TRAM2: variants seen among roughly 807,000 people sequenced by gnomAD.
TRAM2 encodes translocation associated membrane protein 2.
TRAM2 carries 12 observed loss-of-function variants against 51.0 expected under a neutral mutation model. The observed-to-expected ratio is 0.24, with a 90% CI of 0.15 to 0.38. The LOEUF is 0.38. TRAM2 is among the 10% of genes least tolerant of loss of function. The probability of loss-of-function intolerance (pLI) is 1.00; values close to 1 mark genes in which losing one functional copy is unlikely to be tolerated. For synonymous variants in TRAM2, 175 were observed against 179.4 expected (o/e 0.98, Z 0.20); for missense variants, 361 against 462.0 (o/e 0.78, Z 2.00).
chr6:52,504,248 A>G (rs1314722558), intron 10 of TRAM2, among the ~76,000 whole-genome samples: 1 of 152,234 alleles, frequency 6.6e-6, no homozygotes, highest in Non-Finnish European at 1.5e-5. Context: ...TCCGGCACTG[A>G]GAATGGGCGG....
chr6:52,541,352 GTCCCCA>G (rs1767078013), intron 1 of TRAM2, among the ~76,000 whole-genome samples: 1 of 152,180 alleles, frequency 6.6e-6, no homozygotes, highest in Non-Finnish European at 1.5e-5. Context: ...TACTAATCAT[GTCCCCA>G]TTTCACAGAT....
intron 1 of TRAM2, among the ~76,000 whole-genome samples, chr6:52,565,321 G>C (rs1360320685): frequency 6.6e-6 from 1 of 152,174 alleles, no homozygotes; most frequent in Non-Finnish European, 1.5e-5. Context: ...GATCATTAGG[G>C]CGAGAGGAGA....
intron 7 of TRAM2, among the ~76,000 whole-genome samples, chr6:52,506,585 T>C (rs1227748556): frequency 6.6e-6 from 1 of 152,256 alleles, no homozygotes; most frequent in Non-Finnish European, 1.5e-5. Flanking sequence ...GTGCTCCTTC[T>C]GTGTGGCCCT....
At chr6:52,508,162 G>A in intron 6 of TRAM2, 72 bp downstream of exon 6, 1 of 1,393,850 alleles carries the variant, frequency 7.2e-7, no homozygotes, top group Non-Finnish European at 1.0e-6. Context: ...AGGAAGGGAG[G>A]TACCCCTGGG....
At chr6:52,531,475 A>G (rs759994366) in intron 2 of TRAM2, among the ~76,000 whole-genome samples, 6 of 152,232 alleles carry the variant, frequency 3.9e-5, no homozygotes, top group Non-Finnish European at 7.3e-5. Flanking sequence ...TTTAGCATGT[A>G]CTTCACTGTA....
intron 10 of TRAM2, 44 bp from the exon 11 acceptor site, chr6:52,503,314 A>T: frequency 1.3e-6 from 2 of 1,578,196 alleles, no homozygotes; most frequent in Non-Finnish European, 8.7e-7. Flanking sequence ...TTTCTGCTGG[A>T]GCTAAGGCAG....
rs144401976 is a variant in TRAM2, at chr6:52,514,449, T to A, written c.411+1557A>T. On this transcript the variant is annotated intron_variant, in intron 4 of 10. Transcript: ENST00000182527. ...CCCTGGTCTCTGTGCCTATTGAATA[T>A]GTTGAGTGGGGAACTGGCTCTTCCC... 6.5e-3 allele frequency among the ~76,000 whole-genome samples: 985 copies of A among 152,202 alleles called. 19 individuals carry two copies. The highest frequency in any genetic ancestry group is 0.022 in the African/African-American group (914 of 41,526).
chr6:52,547,213 G>T (rs112465721), intron 1 of TRAM2, among the ~76,000 whole-genome samples: 251 of 152,312 alleles, frequency 1.6e-3, no homozygotes, highest in African/African-American at 5.9e-3. Flanking sequence ...GGACCATGGA[G>T]AGAAATGTGG....
In TRAM2 at chr6:52,502,493, G is replaced by C. The variant is rs1766252407; in HGVS notation, c.*704C>G. ...GCTTCCAATCCGCGGCCAGCCACTG[G>C]TAGGAGCTCGAGTCACGGGACCCAA... On this transcript the variant is annotated 3_prime_UTR_variant, in exon 11 of 11. Transcript: ENST00000182527. 1 of 152,276 alleles carries C rather than the reference G, an allele frequency of 6.6e-6. No homozygotes were observed. Among genetic ancestry groups the C allele is most frequent in the African/African-American group, 2.4e-5 (1 of 41,470 alleles). 9.4% of individuals were successfully genotyped at this position (152,276 alleles called of 1,614,324 possible). A position where few individuals can be genotyped will look rare whatever the true frequency, so the allele number is the denominator to read the frequency against.
chr6:52,570,657 C>T (rs1767661067), intron 1 of TRAM2, among the ~76,000 whole-genome samples: 1 of 152,136 alleles, frequency 6.6e-6, no homozygotes, highest in South Asian at 2.1e-4. Context: ...TGCTGCCAGC[C>T]CCTCCAGACA....
intron 1 of TRAM2, among the ~76,000 whole-genome samples, chr6:52,569,083 G>A (rs908881156): frequency 1.6e-4 from 24 of 152,186 alleles, no homozygotes; most frequent in Non-Finnish European, 2.5e-4. Flanking sequence ...CCAGCACCTT[G>A]ATCTTCAGAA....
Position 52,501,129 on chromosome 6 carries a change from T to C in TRAM2, c.*2068A>G, listed in dbSNP as rs1766212751. The C allele has an allele frequency of 6.6e-6, 1 of 152,172 alleles. No homozygotes were observed. 9.4% of individuals were successfully genotyped at this position (152,172 alleles called of 1,614,324 possible). Reference sequence around the variant, plus strand: ...TGCTGTGTTGAAACCAAACTGCCCTTTTACCAACGTTTCTGCTGTGCAGCC... The same window carrying C: ...TGCTGTGTTGAAACCAAACTGCCCTCTTACCAACGTTTCTGCTGTGCAGCC... On this transcript the variant is annotated 3_prime_UTR_variant, in exon 11 of 11. Coordinates refer to ENST00000182527, the MANE Select transcript of TRAM2 (RefSeq NM_012288.4).
intron 2 of TRAM2, among the ~76,000 whole-genome samples, chr6:52,534,237 C>T (rs1337738595): frequency 6.6e-6 from 1 of 151,596 alleles, no homozygotes; most frequent in East Asian, 1.9e-4. Context: ...TAAAATTAGA[C>T]TGGCACGGTG....
intron 4 of TRAM2, among the ~76,000 whole-genome samples, chr6:52,511,992 T>C (rs558930608): frequency 6.6e-6 from 1 of 152,284 alleles, no homozygotes; most frequent in African/African-American, 2.4e-5. Context: ...CTCTCTCAAA[T>C]ACACTGCTTC....
chr6:52,574,053 C>T (rs948442916), intron 1 of TRAM2, among the ~76,000 whole-genome samples: 5 of 152,166 alleles, frequency 3.3e-5, no homozygotes, highest in Non-Finnish European at 5.9e-5. Flanking sequence ...TCCCATTCCC[C>T]TTGCACCTCT....
chr6:52,554,482 T>C (rs1421803338), intron 1 of TRAM2, among the ~76,000 whole-genome samples: 1 of 92,384 alleles, frequency 1.1e-5, no homozygotes, highest in African/African-American at 3.0e-5. Flanking sequence ...ATCATGTCAC[T>C]GCACTCCAGC....
In TRAM2 at chr6:52,506,106, C is replaced by G. The variant is rs773431387; in HGVS notation, c.657G>C (p.Leu219=). 1 of 1,614,144 alleles carries G rather than the reference C, an allele frequency of 6.2e-7. No homozygotes were observed. The highest frequency in any genetic ancestry group is 1.1e-5 in the South Asian group (1 of 91,088). Residue 219 remains leucine, a synonymous_variant, in exon 8 of 11, where the codon CTG becomes CTC. Coordinates refer to ENST00000182527, the MANE Select transcript of TRAM2 (RefSeq NM_012288.4). ...AGAGGAACTCAGTTGAGTACTGCAG[C>G]AGCAGCAAGATCAGGCCCAGGCGGC... is the stretch of plus-strand genomic sequence containing the variant. The part of the protein sequence containing the change: ...NLSRLGLILL[L]LQYSTEFLFH...
Position 52,503,129 on chromosome 6 carries a change from G to T in TRAM2, c.*68C>A. On this transcript the variant is annotated 3_prime_UTR_variant, in exon 11 of 11. Coordinates refer to ENST00000182527, the MANE Select transcript of TRAM2 (RefSeq NM_012288.4). ...ACAGGCAGGAAGGAGGAGGCAGGGA[G>T]GGGGCCTGGGCTCCTTGCCCCCTGC... 2 of 1,340,252 alleles carry T rather than the reference G, an allele frequency of 1.5e-6. No homozygotes were observed. The highest frequency in any genetic ancestry group is 2.1e-6 in the Non-Finnish European group (2 of 931,392). The allele number at this position is 1,340,252 out of a possible 1,614,324, so 83.0% of individuals were successfully genotyped here. A position where few individuals can be genotyped will look rare whatever the true frequency, so the allele number is the denominator to read the frequency against.
intron 1 of TRAM2, among the ~76,000 whole-genome samples, chr6:52,558,164 T>G (rs566597249): frequency 6.6e-6 from 1 of 152,256 alleles, no homozygotes; most frequent in Admixed American, 6.5e-5. Context: ...ACCTGCAGAC[T>G]TGGCCTCCCC....
Sources: gnomAD v4.1 joint callset for allele counts (sites outside exome capture counted in the v4.1 genomes callset) on GRCh38, gnomAD v4.1.1 for gene constraint, MANE v1.5 for transcripts, NCBI Gene and HGNC (gene_info 2026-07-23, HGNC 2026-07-21) for gene names.